TGOLN2: variants seen among roughly 807,000 people sequenced by gnomAD.
TGOLN2 encodes the protein trans-Golgi network integral membrane protein 2.
A neutral mutation model predicts 31.3 loss-of-function variants in TGOLN2; 19 were observed. That is an observed-to-expected ratio of 0.61 (90% CI 0.42 to 0.89). The LOEUF (loss-of-function observed/expected upper bound fraction) is 0.89, where lower values mean the gene tolerates loss of function less well. TGOLN2 is among the 40% of genes least tolerant of loss of function. TGOLN2 has a pLI of 0.00. For missense variants in TGOLN2, 540 were observed against 559.2 expected (o/e 0.97, Z 0.35); for synonymous variants, 222 against 226.7 (o/e 0.98, Z 0.19).
Position 85,324,727 on chromosome 2 carries a change from C to A in TGOLN2, c.1308+188G>T, listed in dbSNP as rs866792080. 1.6e-4 allele frequency: 101 copies of A among 633,550 alleles called. 2 individuals carry two copies. The South Asian group carries it at 1.9e-3, about 12-fold the overall frequency. The allele number at this position is 633,550 out of a possible 1,614,324, so 39.2% of individuals were successfully genotyped here. ...ATTCCAAGGTCTCTGCTAGCTCTAACGTCACAGATATGTGTATCTAGATGT... is the reference window on the plus strand; with the variant it reads ...ATTCCAAGGTCTCTGCTAGCTCTAAAGTCACAGATATGTGTATCTAGATGT... On this transcript the variant is annotated intron_variant, in intron 3 of 3. Transcript: ENST00000377386.
Position 85,327,617 on chromosome 2 carries a change from T to C in TGOLN2, c.115A>G (p.Asn39Asp), listed in dbSNP as rs1255574908. 1 of 1,613,998 alleles carries C rather than the reference T, an allele frequency of 6.2e-7. No individual in the cohort carries two copies. Among genetic ancestry groups the C allele is most frequent in the South Asian group, 1.1e-5 (1 of 91,084 alleles). ...EEAGVRPSAG[N>D]VSTHPSLSQR... ...CTCAAGCTGGGGTGGGTGGAGACGTTTCCTGCAGAAGGCCGTACTCCAGCT... is the reference window on the plus strand; with the variant it reads ...CTCAAGCTGGGGTGGGTGGAGACGTCTCCTGCAGAAGGCCGTACTCCAGCT... Residue 39 changes from asparagine to aspartate, a missense_variant, in exon 2 of 4, where the codon AAC becomes GAC. Coordinates refer to ENST00000377386, the MANE Select transcript of TGOLN2 (RefSeq NM_006464.4).
At chr2:85,325,082 T>A (rs1240040486) in intron 2 of TGOLN2, 84 bp from the exon 3 acceptor site, 2 of 1,317,164 alleles carry the variant, frequency 1.5e-6, no homozygotes, top group Admixed American at 4.0e-5. Context: ...AGTCACCTGG[T>A]AGCATATTTG....
intron 1 of TGOLN2, 105 bp from the exon 2 acceptor site, chr2:85,327,790 TGGGGC>T: frequency 2.9e-6 from 1 of 345,640 alleles, no homozygotes; most frequent in Non-Finnish European, 4.5e-6. Flanking sequence ...GATTGGGGGG[TGGGGC>T]GGGAGACGAT....
At position 85,327,519 on chromosome 2, in the gene TGOLN2, A is replaced by C. The variant is rs1311064728; in HGVS notation, c.213T>G (p.Ser71Arg). The change falls in exon 2 of 4, where the codon AGT becomes AGG. Residue 71 changes from serine (S) to arginine (R), a missense_variant. Coordinates refer to ENST00000377386, the MANE Select transcript of TGOLN2 (RefSeq NM_006464.4). ...QTPKDSPSKS[S>R]AEAQTPEDTP... ...TGTCTTCTGGGGTCTGCGCCTCCGC[A>C]CTCGACTTGCTAGGGCTGTCTTTTG... The C allele has an allele frequency of 6.2e-7, 1 of 1,613,804 alleles. No individual in the cohort carries two copies. The highest frequency in any genetic ancestry group is 1.3e-5 in the African/African-American group (1 of 74,888).
In TGOLN2 at chr2:85,327,952, A is replaced by G. The variant is rs1267829531; in HGVS notation, c.11T>C (p.Val4Ala). The change falls in exon 1 of 4, where the codon GTG becomes GCG. Residue 4 changes from valine to alanine, a missense_variant. Physicochemically the swap from Val to Ala is moderately conservative, Grantham distance 64 (BLOSUM62 0). Coordinates refer to ENST00000377386, the MANE Select transcript of TGOLN2 (RefSeq NM_006464.4). MRF[V>A]VALVLLNVAA... Reference sequence around the variant, plus strand: ...GACGTTCAGGAGGACCAAGGCAACCACGAACCGCATCCTGCTCGGATAGCG... The same window carrying G: ...GACGTTCAGGAGGACCAAGGCAACCGCGAACCGCATCCTGCTCGGATAGCG... 6.3e-7 allele frequency: 1 copy of G among 1,599,306 alleles called. No individual in the cohort carries two copies. The highest frequency in any genetic ancestry group is 2.3e-5 in the East Asian group (1 of 44,300).
At chr2:85,325,666 C>A (rs1484959669) in intron 2 of TGOLN2, among the ~76,000 whole-genome samples, 1 of 152,054 alleles carries the variant, frequency 6.6e-6, no homozygotes, top group Admixed American at 6.5e-5. Flanking sequence ...TATGTAGAGA[C>A]GAGGTCTTGC....
In TGOLN2 at chr2:85,325,046, A is replaced by T. The variant is rs1300011660; in HGVS notation, c.1225-48T>A. 3 of 1,532,150 alleles carry T rather than the reference A, an allele frequency of 2.0e-6. No individual in the cohort carries two copies. In the South Asian group the frequency reaches 3.6e-5, roughly 18 times the overall value. The allele number at this position is 1,532,150 out of a possible 1,614,324, so 94.9% of individuals were successfully genotyped here. On this transcript the variant is annotated intron_variant, in intron 2 of 3. Transcript: ENST00000377386. ...GATTAACAGGTGGCTCTGTAATGAC[A>T]TAGTTCAGTCTCTGAACTCAGAGGC... is the stretch of plus-strand genomic sequence containing the variant.
rs1307432342 is a variant in TGOLN2, at chr2:85,321,492, C to A, written c.*1244G>T. ...GAAACAACTCTCTTTAGGCTCTCTA[C>A]AATGCGGTAGAGCATGATTAGAAAA... On this transcript the variant is annotated 3_prime_UTR_variant, in exon 4 of 4. Coordinates refer to ENST00000377386, the MANE Select transcript of TGOLN2 (RefSeq NM_006464.4). 6.5e-6 allele frequency: 1 copy of A among 152,676 alleles called. No individual in the cohort carries two copies. The highest frequency in any genetic ancestry group is 1.5e-5 in the Non-Finnish European group (1 of 68,052). 9.5% of individuals were successfully genotyped at this position (152,676 alleles called of 1,614,324 possible). A position where few individuals can be genotyped will look rare whatever the true frequency, so the allele number is the denominator to read the frequency against.
chr2:85,326,414 C>T (rs761462601), intron 2 of TGOLN2, 94 bp downstream of exon 2: 74 of 1,258,112 alleles, frequency 5.9e-5, no homozygotes, highest in Non-Finnish European at 7.9e-5. Flanking sequence ...GTCCCCAGTG[C>T]TCACGGGCAT....
rs768651756 is a variant in TGOLN2 at position 85,322,749 on chromosome 2, G to GA, written c.1309-9dup. 3.7e-6 allele frequency: 6 copies of GA among 1,611,068 alleles called. No individual in the cohort carries two copies. The East Asian group carries it at 6.7e-5, about 18-fold the overall frequency. On this transcript the variant is annotated splice_polypyrimidine_tract_variant and intron_variant, in intron 3 of 3. Transcript: ENST00000377386. ...TATACCATTCTGTTAGGACTTAGGG[G>GA]AAAAAAGATCTTTTAGGAGGTGCAG...
chr2:85,327,846 TAG>T, intron 1 of TGOLN2, 69 bp downstream of exon 1: 1 of 1,557,118 alleles, frequency 6.4e-7, no homozygotes. Context: ...GAAGCGAGCC[TAG>T]AGGTGACCTG....
rs1195421222 is a variant in TGOLN2, at chr2:85,321,790, A to G, written c.*946T>C. On this transcript the variant is annotated 3_prime_UTR_variant, in exon 4 of 4. Transcript: ENST00000377386. ...GACTTTGTGGGAAATGTATCTCATA[A>G]AAGCCCTTTGGAAAAACTGCAGACC... 1 of 152,218 alleles carries G rather than the reference A, an allele frequency of 6.6e-6. No individual in the cohort carries two copies. The highest frequency in any genetic ancestry group is 1.9e-4 in the East Asian group (1 of 5,206). 9.4% of individuals were successfully genotyped at this position (152,218 alleles called of 1,614,324 possible).
chr2:85,327,271 G>A lies in TGOLN2; in HGVS notation c.461C>T (p.Ser154Leu). Reference sequence around the variant, plus strand: ...TTTTTGGGTCTTTGCCTCCGCACCCGACCTGTTGGGGCTGTCTTCTGGGGT... The same window carrying A: ...TTTTTGGGTCTTTGCCTCCGCACCCAACCTGTTGGGGCTGTCTTCTGGGGT... ...AQTPEDSPNR[S>L]GAEAKTQKDS... Residue 154 changes from serine to leucine, a missense_variant, in exon 2 of 4, where the codon TCG (serine) becomes TTG (leucine). Ser to Leu is a moderately radical substitution (Grantham distance 145). Transcript: ENST00000377386. 6.2e-7 allele frequency: 1 copy of A among 1,612,572 alleles called. No individual in the cohort carries two copies. Among genetic ancestry groups the A allele is most frequent in the Non-Finnish European group, 8.5e-7 (1 of 1,179,076 alleles).
Position 85,327,318 on chromosome 2 carries a change from G to C in TGOLN2, c.414C>G (p.Gly138=). The C allele has an allele frequency of 6.2e-7, 1 of 1,610,896 alleles. No individual in the cohort carries two copies. Among genetic ancestry groups the C allele is most frequent in the Non-Finnish European group, 8.5e-7 (1 of 1,177,926 alleles). ...PELQTPKDST[G]KSGAEAQTPE... ...GGGTCTGCGCCTCCGCACCCGATTT[G>C]CCAGTGCTGTCTTTTGGAGTCTGCA... Residue 138 remains glycine (G), a synonymous_variant, in exon 2 of 4, where the codon GGC becomes GGG. Coordinates refer to ENST00000377386, the MANE Select transcript of TGOLN2 (RefSeq NM_006464.4).
At chr2:85,326,401 A>G (rs1256171295) in intron 2 of TGOLN2, 107 bp downstream of exon 2, 4 of 1,095,380 alleles carry the variant, frequency 3.7e-6, no homozygotes, top group Admixed American at 5.1e-5. Flanking sequence ...AGTTTGTTTT[A>G]AAGTCCCCAG....
At position 85,327,283 on chromosome 2, in the gene TGOLN2, C is replaced by A. The variant is rs200759061; in HGVS notation, c.449G>T (p.Ser150Ile). 3.1e-6 allele frequency: 5 copies of A among 1,608,770 alleles called. No homozygotes were observed. In the Middle Eastern group the frequency reaches 5.0e-4, roughly 160 times the overall value. Residue 150 changes from serine (S) to isoleucine (I), a missense_variant, in exon 2 of 4, where the codon AGC becomes ATC. Coordinates refer to ENST00000377386, the MANE Select transcript of TGOLN2 (RefSeq NM_006464.4). ...SGAEAQTPED[S>I]PNRSGAEAKT... ...TGCCTCCGCACCCGACCTGTTGGGG[C>A]TGTCTTCTGGGGTCTGCGCCTCCGC...
rs1370731568 is a variant in TGOLN2 at position 85,327,755 on chromosome 2, A to C, written c.47-70T>G. The C allele has an allele frequency of 1.5e-5, 14 of 962,064 alleles. No individual in the cohort carries two copies. The East Asian group carries it at 6.4e-4, about 44-fold the overall frequency. 59.6% of individuals were successfully genotyped at this position (962,064 alleles called of 1,614,324 possible). A position where few individuals can be genotyped will look rare whatever the true frequency, so the allele number is the denominator to read the frequency against. On this transcript the variant is annotated intron_variant, in intron 1 of 3. Transcript: ENST00000377386. ...AGAAGGAACTCCTCAGAACTGGAAG[A>C]GATCGGGAGCAGCGGGGGAATGGGG...
Position 85,319,366 on chromosome 2 carries a change from C to A in TGOLN2, c.*3370G>T, listed in dbSNP as rs982057108. The A allele has an allele frequency of 1.3e-5, 2 of 151,752 alleles. No homozygotes were observed. The highest frequency in any genetic ancestry group is 6.6e-5 in the Admixed American group (1 of 15,210). The allele number at this position is 151,752 out of a possible 1,614,324, so 9.4% of individuals were successfully genotyped here. On this transcript the variant is annotated 3_prime_UTR_variant, in exon 4 of 4. Coordinates refer to ENST00000377386, the MANE Select transcript of TGOLN2 (RefSeq NM_006464.4). ...CTAATTTTTGTATTTTTATTAGAGACGGGGTTTCACCATGTTGGCCAGGAT... is the reference window on the plus strand; with the variant it reads ...CTAATTTTTGTATTTTTATTAGAGAAGGGGTTTCACCATGTTGGCCAGGAT...
At position 85,322,409 on chromosome 2, in the gene TGOLN2, G is replaced by A. The variant is rs927193710; in HGVS notation, c.*327C>T. On this transcript the variant is annotated 3_prime_UTR_variant, in exon 4 of 4. Transcript: ENST00000377386. ...CTGGGATCTCCCTTTGGTCATAGCC[G>A]TGTTTCCATATACCCCTCCACTCAC... is the stretch of plus-strand genomic sequence containing the variant. 2.4e-5 allele frequency: 10 copies of A among 422,114 alleles called. No homozygotes were observed. Among genetic ancestry groups the A allele is most frequent in the Admixed American group, 9.4e-5 (2 of 21,212 alleles). 26.1% of individuals were successfully genotyped at this position (422,114 alleles called of 1,614,324 possible). A position where few individuals can be genotyped will look rare whatever the true frequency, so the allele number is the denominator to read the frequency against.
Sources: gnomAD v4.1 joint callset for allele counts (sites outside exome capture counted in the v4.1 genomes callset) on GRCh38, gnomAD v4.1.1 for gene constraint, MANE v1.5 for transcripts, NCBI Gene and HGNC (gene_info 2026-07-23, HGNC 2026-07-21) for gene names.